Variants in ZDHHC2 observed in about 807,000 individuals in gnomAD.
ZDHHC2 encodes the protein zDHHC palmitoyltransferase 2.
Under a neutral mutation model 55.6 loss-of-function variants are expected in ZDHHC2, and 51 were observed. The observed-to-expected ratio is 0.92, with a 90% CI of 0.73 to 1.16. ZDHHC2 has a LOEUF of 1.16. Ranked by LOEUF, ZDHHC2 falls within the 50% of genes most tolerant of loss-of-function variation. The probability of loss-of-function intolerance (pLI) is 0.00; values close to 1 mark genes in which losing one functional copy is unlikely to be tolerated. For synonymous variants in ZDHHC2, 199 were observed against 152.9 expected, an observed-to-expected ratio of 1.30 and a Z score of -2.22; for missense variants, 491 against 442.4, an observed-to-expected ratio of 1.11 and a Z score of -0.99.
At chr8:17,219,416 A>C (rs183818754) in intron 12 of ZDHHC2, among the ~76,000 whole-genome samples, 1 of 152,108 alleles carries the variant, frequency 6.6e-6, no homozygotes, top group East Asian at 1.9e-4. Context: ...TAGTACTAAA[A>C]AGTAAATTAA....
At chr8:17,195,750 G>T in intron 4 of ZDHHC2, 126 bp downstream of exon 4, 1 of 1,298,398 alleles carries the variant, frequency 7.7e-7, no homozygotes, top group Non-Finnish European at 1.1e-6. Context: ...TTATTTCTTG[G>T]ATTGCTGTTA....
At position 17,195,424 on chromosome 8, in the gene ZDHHC2, C is replaced by A. The variant is rs539233702; in HGVS notation, c.253-80C>A. The A allele has an allele frequency of 7.3e-4, 1,062 of 1,456,720 alleles. 1 individual carries two copies. The highest frequency in any genetic ancestry group is 8.8e-4 in the Non-Finnish European group (950 of 1,077,632). The allele number at this position is 1,456,720 out of a possible 1,614,324, so 90.2% of individuals were successfully genotyped here. Reference sequence around the variant, plus strand: ...ATACCATTAATATTTTATAAATACCCTTTTCCGGGTATGGTAGAGAAGACC... The same window carrying A: ...ATACCATTAATATTTTATAAATACCATTTTCCGGGTATGGTAGAGAAGACC... On this transcript the variant is annotated intron_variant, in intron 3 of 12. Coordinates refer to ENST00000262096, the MANE Select transcript of ZDHHC2 (RefSeq NM_016353.5).
intron 3 of ZDHHC2, among the ~76,000 whole-genome samples, chr8:17,193,211 G>C (rs1806122849): frequency 6.6e-6 from 1 of 152,140 alleles, no homozygotes; most frequent in Non-Finnish European, 1.5e-5. Flanking sequence ...TCCAGGTTAG[G>C]TGTTGTGATC....
intron 1 of ZDHHC2, among the ~76,000 whole-genome samples, chr8:17,175,041 T>G (rs1016006550): frequency 6.6e-6 from 1 of 152,180 alleles, no homozygotes; most frequent in Non-Finnish European, 1.5e-5. Flanking sequence ...TGTGCTATTC[T>G]TCAGGAAAAG....
intron 12 of ZDHHC2, among the ~76,000 whole-genome samples, 192 bp from the exon 13 acceptor site, chr8:17,220,064 T>C (rs944280601): frequency 3.3e-5 from 5 of 152,098 alleles, no homozygotes; most frequent in African/African-American, 1.2e-4. Context: ...TAGGATCCTT[T>C]CGTATATGCA....
At chr8:17,216,766 GGAT>G (rs1482228389) in intron 11 of ZDHHC2, among the ~76,000 whole-genome samples, 4 of 152,064 alleles carry the variant, frequency 2.6e-5, no homozygotes, top group Non-Finnish European at 4.4e-5. Context: ...AAAGTGTAAA[GGAT>G]GATGTATAGG....
chr8:17,219,252 TAAAAAAAAAAAA>T (rs71212684), intron 12 of ZDHHC2, among the ~76,000 whole-genome samples: 3 of 49,550 alleles, frequency 6.1e-5, no homozygotes, highest in South Asian at 1.3e-3. Flanking sequence ...AGCAAGACTC[TAAAAAAAAAAAA>T]AAAAAAAAAA....
intron 10 of ZDHHC2, among the ~76,000 whole-genome samples, chr8:17,213,765 C>T (rs1347983315): frequency 6.6e-6 from 1 of 152,120 alleles, no homozygotes; most frequent in Non-Finnish European, 1.5e-5. Flanking sequence ...TCTTCAGAGT[C>T]CCTAAACCAG....
intron 3 of ZDHHC2, among the ~76,000 whole-genome samples, chr8:17,191,973 G>C (rs1806054244): frequency 6.6e-6 from 1 of 151,916 alleles, no homozygotes; most frequent in Non-Finnish European, 1.5e-5. Flanking sequence ...ATTTGTTATT[G>C]CCTTTATTTT....
intron 1 of ZDHHC2, 73 bp downstream of exon 1, chr8:17,156,926 C>T (rs1804084825): frequency 2.2e-6 from 3 of 1,347,948 alleles, no homozygotes. Flanking sequence ...CGCTCAGCCG[C>T]TCCTCCGCTC....
intron 1 of ZDHHC2, among the ~76,000 whole-genome samples, chr8:17,170,142 T>A (rs569581266): frequency 1.6e-4 from 24 of 152,308 alleles, no homozygotes; most frequent in Middle Eastern, 3.4e-3. Context: ...GAGAAAGGCA[T>A]TGTATAATTC....
In ZDHHC2 at chr8:17,202,888, A is replaced by C. The variant is rs959130809; in HGVS notation, c.477-2767A>C. Reference sequence around the variant, plus strand: ...GCAAATTTTACCATCCCCTCAAGCAAAGCTAAATTAGTTGTTACAAAATCT... The same window carrying C: ...GCAAATTTTACCATCCCCTCAAGCACAGCTAAATTAGTTGTTACAAAATCT... On this transcript the variant is annotated intron_variant, in intron 6 of 12. Transcript: ENST00000262096. Among the ~76,000 whole-genome samples the C allele has an allele frequency of 2.6e-4, 39 of 152,176 alleles. 1 individual carries two copies. The highest frequency in any genetic ancestry group is 8.9e-4 in the African/African-American group (37 of 41,540).
rs10094386 is a variant in ZDHHC2, at chr8:17,207,117, C to T, written c.598-843C>T. ...ACCAGAATTTTCGCTGTCAAAAAAA[C>T]CTGCTGCTGTTGAAAACTGTCAGTG... is the stretch of plus-strand genomic sequence containing the variant. On this transcript the variant is annotated intron_variant, in intron 7 of 12. Coordinates refer to ENST00000262096, the MANE Select transcript of ZDHHC2 (RefSeq NM_016353.5). Among the ~76,000 whole-genome samples the T allele has an allele frequency of 3.6e-3, 552 of 152,262 alleles. 6 individuals carry two copies. The highest frequency in any genetic ancestry group is 0.013 in the African/African-American group (540 of 41,546).
chr8:17,193,037 C>A (rs1047764543), intron 3 of ZDHHC2, among the ~76,000 whole-genome samples: 2 of 152,064 alleles, frequency 1.3e-5, no homozygotes, highest in Non-Finnish European at 2.9e-5. Flanking sequence ...ACGCCAGTAC[C>A]GTGCTATTTA....
intron 4 of ZDHHC2, among the ~76,000 whole-genome samples, chr8:17,197,207 G>T (rs1806362631): frequency 6.6e-6 from 1 of 152,104 alleles, no homozygotes; most frequent in Non-Finnish European, 1.5e-5. Context: ...TCCTAGTTCA[G>T]TTTAAAACTT....
Position 17,216,349 on chromosome 8 carries a change from T to C in ZDHHC2, c.1064-823T>C, listed in dbSNP as rs1002750598. 5.3e-5 allele frequency among the ~76,000 whole-genome samples: 8 copies of C among 152,182 alleles called. No homozygotes were observed. In the South Asian group the frequency reaches 6.2e-4, roughly 12 times the overall value. Reference sequence around the variant, plus strand: ...TAATATATTATCAGTCATCTTCTCCTAAAATAGAAGCTTTCTTTAGCCTTA... The same window carrying C: ...TAATATATTATCAGTCATCTTCTCCCAAAATAGAAGCTTTCTTTAGCCTTA... On this transcript the variant is annotated intron_variant, in intron 11 of 12. Transcript: ENST00000262096.
chr8:17,169,209 G>C (rs971953540), intron 1 of ZDHHC2, among the ~76,000 whole-genome samples: 1 of 151,146 alleles, frequency 6.6e-6, no homozygotes, highest in Non-Finnish European at 1.5e-5. Context: ...GTATCCATGA[G>C]ATGTATCAGT....
rs377385448 is a variant in ZDHHC2 at position 17,165,865 on chromosome 8, G to A, written c.130+9012G>A. 2.0e-4 allele frequency among the ~76,000 whole-genome samples: 31 copies of A among 152,272 alleles called. No homozygotes were observed. In the East Asian group the frequency reaches 4.3e-3, roughly 21 times the overall value. Reference sequence around the variant, plus strand: ...AAGGAGCTGAAACATTTAACCATGCGGGTATTGTGGAGAAATATATCTCCG... The same window carrying A: ...AAGGAGCTGAAACATTTAACCATGCAGGTATTGTGGAGAAATATATCTCCG... On this transcript the variant is annotated intron_variant, in intron 1 of 12. Coordinates refer to ENST00000262096, the MANE Select transcript of ZDHHC2 (RefSeq NM_016353.5).
intron 1 of ZDHHC2, among the ~76,000 whole-genome samples, chr8:17,159,384 A>C (rs1479200675): frequency 6.6e-6 from 1 of 152,134 alleles, no homozygotes; most frequent in Non-Finnish European, 1.5e-5. Flanking sequence ...TAGCAAATGG[A>C]ATAGAAGAAA....
Sources: allele counts gnomAD v4.1 joint callset (sites outside exome capture counted in the v4.1 genomes callset), GRCh38; gene constraint gnomAD v4.1.1; transcripts MANE v1.5; gene names NCBI Gene and HGNC (gene_info 2026-07-23, HGNC 2026-07-21).